NTM: variants seen among roughly 807,000 people sequenced by gnomAD.
NTM encodes neurotrimin, also known as IgLON family member 2.
A neutral mutation model predicts 42.1 loss-of-function variants in NTM; 13 were observed. That is an observed-to-expected ratio of 0.31 (90% CI 0.20 to 0.49). NTM has a LOEUF of 0.49. Ranked by LOEUF, NTM falls within the 20% of genes least tolerant of loss-of-function variation. The probability of loss-of-function intolerance (pLI) is 0.99; values close to 1 mark genes in which losing one functional copy is unlikely to be tolerated. For missense variants in NTM, 373 were observed against 452.8 expected, an observed-to-expected ratio of 0.82 and a Z score of 1.60; for synonymous variants, 187 against 179.2, an observed-to-expected ratio of 1.04 and a Z score of -0.35.
At chr11:131,820,355 A>G (rs1333676894) in intron 1 of NTM, among the ~76,000 whole-genome samples, 1 of 152,176 alleles carries the variant, frequency 6.6e-6, no homozygotes, top group Non-Finnish European at 1.5e-5. Flanking sequence ...GGCCTGCTCC[A>G]TGTCTTAACT....
intron 2 of NTM, among the ~76,000 whole-genome samples, chr11:131,983,451 C>T (rs1351845757): frequency 6.8e-6 from 1 of 147,184 alleles, no homozygotes; most frequent in Non-Finnish European, 1.5e-5. Flanking sequence ...TCTTGGCTCA[C>T]TGCAACCTCT....
chr11:132,095,864 G>A (rs1268323027), intron 2 of NTM, among the ~76,000 whole-genome samples: 1 of 152,176 alleles, frequency 6.6e-6, no homozygotes, highest in Non-Finnish European at 1.5e-5. Context: ...CTAATGACCA[G>A]GAACACCCAC....
At chr11:132,230,898 C>G (rs2087417461) in intron 4 of NTM, among the ~76,000 whole-genome samples, 1 of 152,160 alleles carries the variant, frequency 6.6e-6, no homozygotes, top group African/African-American at 2.4e-5. Context: ...GTGATGCGCA[C>G]CTGCAGTCGC....
At chr11:131,789,645 G>GAAGAAGAAGAAGGAGAAGAA (rs2090515848) in intron 1 of NTM, among the ~76,000 whole-genome samples, 1 of 128,244 alleles carries the variant, frequency 7.8e-6, no homozygotes, top group African/African-American at 3.0e-5. Flanking sequence ...AAAAGAAGAA[G>GAAGAAGAAGAAGGAGAAGAA]AAGAAGAAGA....
At chr11:131,821,730 C>T (rs1370471192) in intron 1 of NTM, among the ~76,000 whole-genome samples, 1 of 152,170 alleles carries the variant, frequency 6.6e-6, no homozygotes, top group Non-Finnish European at 1.5e-5. Context: ...GGCTCTGGGG[C>T]TGGGGAGAAC....
At chr11:132,248,310 T>C (rs958739745) in intron 4 of NTM, among the ~76,000 whole-genome samples, 3 of 152,212 alleles carry the variant, frequency 2.0e-5, no homozygotes, top group Non-Finnish European at 2.9e-5. Flanking sequence ...GCAATTTTTT[T>C]CCCTTGCTCT....
At chr11:132,160,435 C>T (rs554436500) in intron 3 of NTM, among the ~76,000 whole-genome samples, 1 of 152,272 alleles carries the variant, frequency 6.6e-6, no homozygotes, top group South Asian at 2.1e-4. Context: ...AAATGCCTGC[C>T]TCATCTTTCA....
In NTM at chr11:131,696,785, G is replaced by GCACACACACACA. The variant is rs34907087; in HGVS notation, c.83-214764_83-214753dup. ...GTCTCAAACAGGCACACCCACGCAT[G>GCACACACACACA]CACACACACACACACACACACACAC... On this transcript the variant is annotated intron_variant, in intron 1 of 8. Transcript: ENST00000683400. Among the ~76,000 whole-genome samples the GCACACACACACA allele has an allele frequency of 2.2e-3, 321 of 147,842 alleles. 1 individual carries two copies. Among genetic ancestry groups the GCACACACACACA allele is most frequent in the African/African-American group, 7.5e-3 (305 of 40,508 alleles).
At chr11:131,618,988 T>TA (rs1303078685) in intron 1 of NTM, among the ~76,000 whole-genome samples, 1 of 152,096 alleles carries the variant, frequency 6.6e-6, no homozygotes, top group Non-Finnish European at 1.5e-5. Context: ...ATCCTGTGAA[T>TA]AAAAATATGA....
chr11:132,170,980 T>C (rs1251458088), intron 3 of NTM, among the ~76,000 whole-genome samples: 1 of 152,208 alleles, frequency 6.6e-6, no homozygotes, highest in African/African-American at 2.4e-5. Flanking sequence ...CATTTGTCTT[T>C]GTACTCAGCT....
chr11:131,620,680 C>A (rs1035803368), intron 1 of NTM, among the ~76,000 whole-genome samples: 1 of 152,234 alleles, frequency 6.6e-6, no homozygotes. Context: ...GCTGACTTCA[C>A]TCAAGTCTAT....
intron 1 of NTM, among the ~76,000 whole-genome samples, chr11:131,877,111 G>A (rs767205389): frequency 3.3e-5 from 5 of 152,112 alleles, no homozygotes; most frequent in Admixed American, 2.6e-4. Flanking sequence ...CACCCACCTC[G>A]GCCTCCCAAA....
chr11:132,051,496 G>T (rs184939228), intron 2 of NTM, among the ~76,000 whole-genome samples: 1 of 152,190 alleles, frequency 6.6e-6, no homozygotes, highest in East Asian at 1.9e-4. Context: ...GTGACCAGGA[G>T]GGAAGGAAGT....
chr11:131,987,378 C>CCTATTCTATTCTATTCTATTCTATT (rs60741014), intron 2 of NTM, among the ~76,000 whole-genome samples: 97 of 147,914 alleles, frequency 6.6e-4, no homozygotes, highest in African/African-American at 1.5e-3. Context: ...TCCTATTCCT[C>CCTATTCTATTCTATTCTATTCTATT]CTATTCTATT....
At chr11:131,592,709 A>C (rs908143) in intron 1 of NTM, among the ~76,000 whole-genome samples, 117,204 of 150,464 alleles carry the variant, frequency 0.78, 45,643 homozygotes, top group South Asian at 0.82. Context: ...GTTGACCTTT[A>C]GGGGCTGTTT....
At chr11:131,657,205 C>T (rs1326377920) in intron 1 of NTM, among the ~76,000 whole-genome samples, 2 of 151,148 alleles carry the variant, frequency 1.3e-5, no homozygotes, top group Admixed American at 6.6e-5. Context: ...GAGTGGAGGC[C>T]CAGCATCAAG....
chr11:131,746,173 G>A (rs2081797409), intron 1 of NTM, among the ~76,000 whole-genome samples: 1 of 152,070 alleles, frequency 6.6e-6, no homozygotes, highest in Admixed American at 6.6e-5. Flanking sequence ...TAGATGTGGT[G>A]GGGAAAACAA....
chr11:131,788,046 T>C (rs1220893701), intron 1 of NTM, among the ~76,000 whole-genome samples: 2 of 152,206 alleles, frequency 1.3e-5, no homozygotes, highest in Non-Finnish European at 2.9e-5. Context: ...TTCTTCTTCA[T>C]CAGACTCACA....
intron 1 of NTM, among the ~76,000 whole-genome samples, chr11:131,475,233 C>T (rs1398846439): frequency 1.3e-5 from 2 of 152,148 alleles, no homozygotes; most frequent in Non-Finnish European, 2.9e-5. Context: ...GATATCTGCC[C>T]ACATGGTTTG....
Sources: gnomAD v4.1 joint callset for allele counts (sites outside exome capture counted in the v4.1 genomes callset) on GRCh38, gnomAD v4.1.1 for gene constraint, MANE v1.5 for transcripts, NCBI Gene and HGNC (gene_info 2026-07-23, HGNC 2026-07-21) for gene names.